The following ZNF831 variants were observed in gnomAD, a reference collection of about 807,000 sequenced individuals.
The protein encoded by ZNF831 is zinc finger protein 831, also known as chromosome 20 open reading frame 174.
A neutral mutation model predicts 95.8 loss-of-function variants in ZNF831; 59 were observed. That is an observed-to-expected ratio of 0.62 (90% CI 0.50 to 0.77). ZNF831 has a LOEUF of 0.77. Among genes scored for constraint, ZNF831 ranks in the 30% least tolerant of loss-of-function variants. The probability of loss-of-function intolerance (pLI) is 0.00; values close to 1 mark genes in which losing one functional copy is unlikely to be tolerated. For synonymous variants in ZNF831, 961 were observed against 925.5 expected (o/e 1.04, Z -0.70); for missense variants, 2,205 against 2,164.0 (o/e 1.02, Z -0.38).
chr20:59,164,474 A>C (rs976759221), intron 1 of ZNF831, among the ~76,000 whole-genome samples: 1 of 152,222 alleles, frequency 6.6e-6, no homozygotes, highest in African/African-American at 2.4e-5. Flanking sequence ...AACATTTATA[A>C]GAAAATTTAT....
At chr20:59,211,280 G>A (rs562253566) in intron 4 of ZNF831, among the ~76,000 whole-genome samples, 6 of 152,296 alleles carry the variant, frequency 3.9e-5, no homozygotes, top group African/African-American at 1.4e-4. Context: ...AGGGGCCTAG[G>A]TCCCTGGCTC....
chr20:59,223,212 A>G lies in ZNF831; in HGVS notation c.4027+16156A>G, dbSNP rs187301005. 2.0e-3 allele frequency among the ~76,000 whole-genome samples: 311 copies of G among 151,964 alleles called. 2 individuals are homozygous for G. Among genetic ancestry groups the G allele is most frequent in the African/African-American group, 7.1e-3 (296 of 41,420 alleles). ...GGGGTGAAAGAAGAAAAAGGACAAA[A>G]CGAGGTGCCGAAGGCTCTATTGGGT... On this transcript the variant is annotated intron_variant, in intron 4 of 5. Transcript: ENST00000371030.
At chr20:59,252,697 A>C (rs1987954499) in intron 4 of ZNF831, among the ~76,000 whole-genome samples, 1 of 152,256 alleles carries the variant, frequency 6.6e-6, no homozygotes, top group South Asian at 2.1e-4. Flanking sequence ...TCTGATGAGA[A>C]GAAGCAACAT....
At chr20:59,148,538 G>A (rs1002543344) in intron 2 of ZNF831, among the ~76,000 whole-genome samples, 1 of 139,096 alleles carries the variant, frequency 7.2e-6, no homozygotes, top group South Asian at 2.3e-4. Context: ...AAATTAGCCG[G>A]GCATGGTGGC....
chr20:59,205,212 C>T (rs535399671), intron 3 of ZNF831, among the ~76,000 whole-genome samples: 64 of 152,354 alleles, frequency 4.2e-4, no homozygotes, highest in African/African-American at 1.5e-3. Flanking sequence ...GAAGAATTCT[C>T]TCCATGTGCC....
intron 1 of ZNF831, among the ~76,000 whole-genome samples, chr20:59,184,163 A>G (rs1982832946): frequency 6.6e-6 from 1 of 152,190 alleles, no homozygotes. Context: ...ACTTAGGAAC[A>G]TGCATTTAAG....
Position 59,193,157 on chromosome 20 carries a change from C to G in ZNF831, c.2138C>G (p.Thr713Arg), listed in dbSNP as rs751185889. Residue 713 changes from threonine to arginine, a missense_variant, in exon 2 of 6, where the codon ACG (threonine) becomes AGG (arginine). Physicochemically the swap from Thr to Arg is moderately conservative, Grantham distance 71. Transcript: ENST00000371030. ...ACTGAACCCACTAAGCATGGGGAGA[C>G]GGTGGCCAGGAGAGGAGACAGTGAC... ...LVTEPTKHGE[T>R]VARRGDSDRP... The G allele has an allele frequency of 1.3e-6, 2 of 1,574,794 alleles. No individual in the cohort carries two copies. Among genetic ancestry groups the G allele is most frequent in the African/African-American group, 2.7e-5 (2 of 73,904 alleles).
chr20:59,199,607 A>G (rs889347418), intron 3 of ZNF831, among the ~76,000 whole-genome samples: 2 of 152,126 alleles, frequency 1.3e-5, no homozygotes, highest in South Asian at 2.1e-4. Flanking sequence ...CATGAGTAAG[A>G]GTTTGCCCTT....
At chr20:59,223,797 C>T (rs1986255719) in intron 4 of ZNF831, among the ~76,000 whole-genome samples, 1 of 152,228 alleles carries the variant, frequency 6.6e-6, no homozygotes, top group Non-Finnish European at 1.5e-5. Flanking sequence ...TAAAATCTCT[C>T]AATTTTTACA....
At chr20:59,130,852 G>A (rs1317239861) in intron 1 of ZNF831, among the ~76,000 whole-genome samples, 2 of 152,182 alleles carry the variant, frequency 1.3e-5, no homozygotes, top group African/African-American at 2.4e-5. Context: ...TCTGGGTGGG[G>A]CGCTTGGCCC....
intron 1 of ZNF831, among the ~76,000 whole-genome samples, chr20:59,165,480 G>A (rs922830208): frequency 1.3e-5 from 2 of 152,186 alleles, no homozygotes; most frequent in African/African-American, 4.8e-5. Flanking sequence ...GAGAGTTTAA[G>A]TGACTTATTC....
intron 4 of ZNF831, among the ~76,000 whole-genome samples, chr20:59,211,917 C>T (rs987149741): frequency 2.6e-5 from 4 of 152,036 alleles, no homozygotes; most frequent in Non-Finnish European, 5.9e-5. Flanking sequence ...AGGGCTGTAA[C>T]TTGGGGAAAC....
At chr20:59,219,810 TA>T (rs1339457846) in intron 4 of ZNF831, among the ~76,000 whole-genome samples, 2 of 152,138 alleles carry the variant, frequency 1.3e-5, no homozygotes, top group Non-Finnish European at 2.9e-5. Flanking sequence ...CAATCACTAA[TA>T]GATTCCTGTA....
rs1984938591 is a variant in ZNF831, at chr20:59,206,980, A to T, written c.3951A>T (p.Arg1317Ser). 2 of 1,614,118 alleles carry T rather than the reference A, an allele frequency of 1.2e-6. No individual in the cohort carries two copies. Among genetic ancestry groups the T allele is most frequent in the African/African-American group, 1.3e-5 (1 of 74,928 alleles). The change falls in exon 4 of 6, where the codon AGA becomes AGT. Residue 1317 changes from arginine to serine, a missense_variant. Arg to Ser is a moderately radical substitution (Grantham distance 110). Coordinates refer to ENST00000371030, the MANE Select transcript of ZNF831 (RefSeq NM_178457.3). ...TTCGCACACCAACCTGGGTGCGAAG[A>T]AGAAGCCGCCACCCTCCCGCACTTG... Reference protein sequence around the residue: ...SRLRTPTWVRRRSRHPPALEG... With the variant: ...SRLRTPTWVRSRSRHPPALEG...
chr20:59,143,622 T>A (rs1979749321), intron 1 of ZNF831, among the ~76,000 whole-genome samples: 1 of 152,214 alleles, frequency 6.6e-6, no homozygotes, highest in Non-Finnish European at 1.5e-5. Context: ...CCTGTGGAAT[T>A]GGAATTGCAC....
intron 1 of ZNF831, among the ~76,000 whole-genome samples, chr20:59,139,154 C>T (rs988849056): frequency 2.0e-5 from 3 of 152,098 alleles, no homozygotes; most frequent in South Asian, 4.1e-4. Context: ...ATACAGTGTG[C>T]GGGACTGTTA....
At position 59,144,460 on chromosome 20, in the gene ZNF831, A is replaced by G. The variant is rs896981229; in HGVS notation, c.-1424-1771A>G. On this transcript the variant is annotated intron_variant, in intron 1 of 7. Coordinates refer to the ZNF831 transcript ENST00000637017. ...AGCATCCTTGGCTTCTACCCGCTAG[A>G]GGCCTAGCACCCTGCCCTAGTTATG... 5.3e-5 allele frequency among the ~76,000 whole-genome samples: 8 copies of G among 152,172 alleles called. No homozygotes were observed. In the East Asian group the frequency reaches 1.3e-3, roughly 26 times the overall value.
At chr20:59,135,403 T>G (rs1568721715) in intron 1 of ZNF831, among the ~76,000 whole-genome samples, 1 of 151,408 alleles carries the variant, frequency 6.6e-6, no homozygotes, top group Non-Finnish European at 1.5e-5. Context: ...CTTGGCAACA[T>G]AGTAAGCCTC....
rs899811337 is a variant in ZNF831 at position 59,256,902 on chromosome 20, G to C, written c.*2159G>C. ...TGGCTCATAGTTCAAAAAATTAAAA[G>C]CAAAACCAGAACTCTCCAGTAGGAA... On this transcript the variant is annotated 3_prime_UTR_variant, in exon 6 of 6. Coordinates refer to ENST00000371030, the MANE Select transcript of ZNF831 (RefSeq NM_178457.3). 6.6e-6 allele frequency: 1 copy of C among 152,158 alleles called. No homozygotes were observed. The highest frequency in any genetic ancestry group is 1.5e-5 in the Non-Finnish European group (1 of 68,036). 9.4% of individuals were successfully genotyped at this position (152,158 alleles called of 1,614,324 possible). A position where few individuals can be genotyped will look rare whatever the true frequency, so the allele number is the denominator to read the frequency against.
Sources: gnomAD v4.1 joint callset for allele counts (sites outside exome capture counted in the v4.1 genomes callset) on GRCh38, gnomAD v4.1.1 for gene constraint, MANE v1.5 for transcripts, NCBI Gene and HGNC (gene_info 2026-07-23, HGNC 2026-07-21) for gene names.